Variants in SYMPK observed in about 807,000 individuals in gnomAD.
SYMPK encodes symplekin.
A neutral mutation model predicts 136.4 loss-of-function variants in SYMPK; 49 were observed. The ratio of observed to expected loss-of-function variants is 0.36; its 90% CI spans 0.29 to 0.46. The LOEUF (loss-of-function observed/expected upper bound fraction) is 0.46. SYMPK is among the 20% of genes least tolerant of loss of function. SYMPK has a pLI of 1.00. For synonymous variants in SYMPK, 766 were observed against 713.0 expected (o/e 1.07, Z -1.19); for missense variants, 1,365 against 1,690.0 (o/e 0.81, Z 3.37).
intron 21 of SYMPK, among the ~76,000 whole-genome samples, chr19:45,822,267 C>T (rs910788674): frequency 3.3e-5 from 5 of 151,944 alleles, no homozygotes; most frequent in South Asian, 4.2e-4. Context: ...TACAGGCGCC[C>T]GCCACCACGC....
At chr19:45,849,986 A>C (rs999905373) in intron 5 of SYMPK, among the ~76,000 whole-genome samples, 15 of 152,108 alleles carry the variant, frequency 9.9e-5, no homozygotes, top group Admixed American at 3.9e-4. Flanking sequence ...TGGAGGTTGC[A>C]GTTAGCCGAG....
In SYMPK at chr19:45,816,140, C is replaced by A; in HGVS notation, c.3398G>T (p.Arg1133Leu). The A allele has an allele frequency of 6.5e-7, 1 of 1,548,858 alleles. No homozygotes were observed. The highest frequency in any genetic ancestry group is 1.2e-5 in the South Asian group (1 of 84,624). Residue 1133 changes from arginine (R) to leucine (L), a missense_variant, in exon 26 of 27, where the codon CGG (arginine) becomes CTG (leucine). Around this residue, in one of 11 missense-constraint regions of SYMPK, gnomAD observed 341 missense variants for 270.5 expected, o/e 1.26. Transcript: ENST00000245934. ...PLTLAPAPAP[R>L]PPQDLIGLRL... ...CAGGCCGATGAGGTCCTGAGGGGGCCGGGGTGCTGGGGCCGGGGCCAAGGT... is the reference window on the plus strand; with the variant it reads ...CAGGCCGATGAGGTCCTGAGGGGGCAGGGGTGCTGGGGCCGGGGCCAAGGT...
In SYMPK at chr19:45,821,984, C is replaced by T. The variant is rs563094253; in HGVS notation, c.2792-499G>A. On this transcript the variant is annotated intron_variant, in intron 21 of 26. Transcript: ENST00000245934. The surrounding 1 kb of genome is among the most constrained non-coding windows in gnomAD (Gnocchi z 4.4). ...TGCTGCTATTTTGATGGTCCCAGAG[C>T]CATCTATATGTGTGTTTTAAACCAC... Among the ~76,000 whole-genome samples the T allele has an allele frequency of 5.8e-4, 89 of 152,216 alleles. 3 individuals are homozygous for T. The highest frequency in any genetic ancestry group is 1.9e-3 in the African/African-American group (80 of 41,518).
chr19:45,852,575 T>A, intron 3 of SYMPK, 40 bp from the exon 4 acceptor site: 1 of 1,612,198 alleles, frequency 6.2e-7, no homozygotes, highest in South Asian at 1.1e-5. Flanking sequence ...AATACCCATA[T>A]AAAACGAGGG....
In SYMPK at chr19:45,823,872, G is replaced by A. The variant is rs771846841; in HGVS notation, c.2494C>T (p.Arg832Ter). 1.2e-6 allele frequency: 2 copies of A among 1,613,360 alleles called. No individual in the cohort carries two copies. The highest frequency in any genetic ancestry group is 1.3e-5 in the African/African-American group (1 of 75,022). The stretch of plus-strand genomic sequence containing the variant: ...TCCGGGGAGTTCATGCCCATTCCTC[G>A]GATCTAGAGGCAGAGACAGGGATGA... The part of the protein sequence containing the change: ...TVLRVIEQPI[R>*]GMGMNSPELL... The change falls in exon 19 of 27, where the codon CGA (arginine) becomes TGA (stop). Residue 832 changes from arginine (R) to a stop codon, truncating the protein, a stop_gained. Transcript: ENST00000245934. LOFTEE classifies it high-confidence loss of function.
chr19:45,824,419 C>T (rs995474181), intron 18 of SYMPK, among the ~76,000 whole-genome samples: 7 of 152,294 alleles, frequency 4.6e-5, no homozygotes, highest in East Asian at 1.9e-4. Flanking sequence ...GATAACTTTT[C>T]TGCAAAGTGA....
At chr19:45,850,217 T>C (rs978321685) in intron 5 of SYMPK, among the ~76,000 whole-genome samples, 1 of 152,000 alleles carries the variant, frequency 6.6e-6, no homozygotes, top group Non-Finnish European at 1.5e-5. Flanking sequence ...TGCACCCCAG[T>C]CTGGCCGACA....
intron 1 of SYMPK, chr19:45,862,386 G>C (rs1305194365): frequency 6.6e-6 from 1 of 152,196 alleles, no homozygotes; most frequent in Admixed American, 6.6e-5. Context: ...CTGGCTCTAG[G>C]AGTATCTTTT....
At chr19:45,847,423 CAAAA>C (rs200632491) in intron 7 of SYMPK, among the ~76,000 whole-genome samples, 1 of 127,712 alleles carries the variant, frequency 7.8e-6, no homozygotes, top group Admixed American at 8.0e-5. Context: ...GACTCCATCT[CAAAA>C]AAAAAAAAAA....
chr19:45,816,176 A>G lies in SYMPK; in HGVS notation c.3362T>C (p.Leu1121Pro). ...GGCCGGGGCCAAGGTCAGGGGCTCCAGATCATCCTGGGGATAGGGAGGGCC... is the reference window on the plus strand; with the variant it reads ...GGCCGGGGCCAAGGTCAGGGGCTCCGGATCATCCTGGGGATAGGGAGGGCC... ...APAGPLEEDD[L>P]EPLTLAPAPA... Residue 1121 changes from leucine to proline, a missense_variant, in exon 26 of 27, where the codon CTG (leucine) becomes CCG (proline). Physicochemically the swap from Leu to Pro is moderately conservative, Grantham distance 98. This residue lies in a region of SYMPK where 341 missense variants were observed against 270.5 expected (regional missense o/e 1.26). Transcript: ENST00000245934. The G allele has an allele frequency of 6.5e-7, 1 of 1,536,666 alleles. No homozygotes were observed. Among genetic ancestry groups the G allele is most frequent in the Non-Finnish European group, 8.8e-7 (1 of 1,139,006 alleles).
chr19:45,851,242 T>C (rs1032364287), intron 5 of SYMPK, among the ~76,000 whole-genome samples: 6 of 152,148 alleles, frequency 3.9e-5, no homozygotes, highest in African/African-American at 1.2e-4. Flanking sequence ...TGGAACGAGA[T>C]TGTGAACGTG....
chr19:45,834,588 T>G (rs1971260920), intron 11 of SYMPK, among the ~76,000 whole-genome samples: 1 of 152,190 alleles, frequency 6.6e-6, no homozygotes, highest in African/African-American at 2.4e-5. Flanking sequence ...CCTCATTATG[T>G]ATATGCAAAT....
intron 22 of SYMPK, chr19:45,819,186 GCCCCA>G (rs1970828050): frequency 6.6e-6 from 1 of 152,170 alleles, no homozygotes. Flanking sequence ...TGTCGGCTTT[GCCCCA>G]GCCCCCCACC....
chr19:45,847,074 A>C (rs1319057437), intron 7 of SYMPK, among the ~76,000 whole-genome samples: 1 of 152,072 alleles, frequency 6.6e-6, no homozygotes, highest in Non-Finnish European at 1.5e-5. Context: ...GACTATAAGC[A>C]TGAGCCACCA....
chr19:45,830,472 G>A (rs1600504548), intron 12 of SYMPK: 1 of 421,558 alleles, frequency 2.4e-6, no homozygotes, highest in Non-Finnish European at 4.4e-6. Flanking sequence ...ATACACAAAT[G>A]TCTGGGGGAC....
At position 45,847,856 on chromosome 19, in the gene SYMPK, A is replaced by G. The variant is rs1048724232; in HGVS notation, c.572T>C (p.Ile191Thr). ...AGCCATGCGGGGTGACAGGGTGACA[A>G]TGAGGCCCTCCACAAACTTGATGGC... ...THAIKFVEGL[I>T]VTLSPRMADS... Residue 191 changes from isoleucine to threonine, a missense_variant, in exon 7 of 27, where the codon ATT becomes ACT. Physicochemically the swap from Ile to Thr is moderately conservative, Grantham distance 89. Around this residue, in one of 11 missense-constraint regions of SYMPK, gnomAD observed 237 missense variants for 292.9 expected, o/e 0.81. Coordinates refer to ENST00000245934, the MANE Select transcript of SYMPK (RefSeq NM_004819.3). 9.3e-6 allele frequency: 15 copies of G among 1,613,924 alleles called. No homozygotes were observed. In the Admixed American group the frequency reaches 1.0e-4, roughly 11 times the overall value.
chr19:45,824,371 C>A (rs570017428), intron 18 of SYMPK, among the ~76,000 whole-genome samples: 1 of 152,146 alleles, frequency 6.6e-6, no homozygotes, highest in Non-Finnish European at 1.5e-5. Context: ...TGACTAAAAC[C>A]GACTGTCTCT....
chr19:45,824,222 C>T (rs77416777), intron 18 of SYMPK: 171 of 233,648 alleles, frequency 7.3e-4, no homozygotes, highest in African/African-American at 3.6e-3. Flanking sequence ...CTTCGTGACT[C>T]GGTTTCTCAG....
chr19:45,828,683 A>G (rs533838622), intron 14 of SYMPK: 266 of 493,056 alleles, frequency 5.4e-4, no homozygotes, highest in Non-Finnish European at 6.0e-4. Flanking sequence ...TGTTATTTAC[A>G]GATGGGAAAA....
Sources: allele counts gnomAD v4.1 joint callset (sites outside exome capture counted in the v4.1 genomes callset), GRCh38; gene constraint gnomAD v4.1.1; regional missense constraint gnomAD v4.1.1; non-coding constraint Gnocchi (gnomAD v3.1); transcripts MANE v1.5; gene names NCBI Gene and HGNC (gene_info 2026-07-23, HGNC 2026-07-21).